The following ZNF536 variants were observed in gnomAD, a reference collection of about 807,000 sequenced individuals.
ZNF536 encodes zinc finger protein 536.
In ZNF536, 13 loss-of-function variants were observed where a neutral mutation model predicts 84.5. That is an observed-to-expected ratio of 0.15 (90% CI 0.10 to 0.24). The LOEUF is 0.24. ZNF536 is among the 10% of genes least tolerant of loss of function. The pLI is 1.00. For synonymous variants in ZNF536, 811 were observed against 742.5 expected (o/e 1.09, Z -1.50); for missense variants, 1,536 against 1,747.5 (o/e 0.88, Z 2.16).
intron 2 of ZNF536, among the ~76,000 whole-genome samples, chr19:30,515,270 A>C (rs1005488252): frequency 6.6e-6 from 1 of 152,120 alleles, no homozygotes; most frequent in Non-Finnish European, 1.5e-5. Flanking sequence ...TCAAAAAATA[A>C]CCCAAAATAT....
chr19:30,681,066 C>T (rs996066402), intron 1 of ZNF536, among the ~76,000 whole-genome samples: 14 of 152,300 alleles, frequency 9.2e-5, no homozygotes, highest in East Asian at 1.9e-4. Flanking sequence ...CCCTGCACCC[C>T]GCCCCTTTCT....
At chr19:30,681,898 C>A (rs571098380) in intron 1 of ZNF536, among the ~76,000 whole-genome samples, 1 of 152,118 alleles carries the variant, frequency 6.6e-6, no homozygotes, top group Non-Finnish European at 1.5e-5. Context: ...ACGTGGGCTC[C>A]AACAGACGTT....
chr19:30,357,785 G>A (rs1441887906), intron 3 of ZNF536, among the ~76,000 whole-genome samples: 1 of 152,116 alleles, frequency 6.6e-6, no homozygotes, highest in East Asian at 1.9e-4. Flanking sequence ...ACAGGCAGAG[G>A]GCTTCTGGAA....
At chr19:30,658,182 T>C (rs2049989013) in intron 1 of ZNF536, among the ~76,000 whole-genome samples, 2 of 152,118 alleles carry the variant, frequency 1.3e-5, no homozygotes, top group Non-Finnish European at 2.9e-5. Context: ...TCACCATGCC[T>C]GGCTAATTTT....
In ZNF536 at chr19:30,435,471, G is replaced by A. The variant is rs560304199; in HGVS notation, c.-2-8090G>A. ...AGATGATGGTGATGGTAGTGATACTGCTGCTGCTGCTGATGATGACGATGG... is the reference window on the plus strand; with the variant it reads ...AGATGATGGTGATGGTAGTGATACTACTGCTGCTGCTGATGATGACGATGG... On this transcript the variant is annotated intron_variant, in intron 1 of 4. Coordinates refer to ENST00000355537, the MANE Select transcript of ZNF536 (RefSeq NM_014717.3). Among the ~76,000 whole-genome samples, 54 of 151,868 alleles carry A rather than the reference G, an allele frequency of 3.6e-4. No homozygotes were observed. In the South Asian group the frequency reaches 9.4e-3, roughly 26 times the overall value.
chr19:30,391,885 G>C (rs1862949490), intron 1 of ZNF536, among the ~76,000 whole-genome samples: 1 of 152,098 alleles, frequency 6.6e-6, no homozygotes, highest in African/African-American at 2.4e-5. Flanking sequence ...CTTAAACCTT[G>C]TAATTGTGCC....
intron 1 of ZNF536, among the ~76,000 whole-genome samples, chr19:30,394,860 C>T (rs143145302): frequency 5.3e-5 from 8 of 152,250 alleles, no homozygotes; most frequent in South Asian, 4.2e-4. Context: ...TAGGCTTTAC[C>T]TGAAAAGCAG....
intron 1 of ZNF536, among the ~76,000 whole-genome samples, chr19:30,263,658 C>T (rs1298638076): frequency 6.6e-6 from 1 of 152,176 alleles, no homozygotes; most frequent in Non-Finnish European, 1.5e-5. Flanking sequence ...TTTGTTTACA[C>T]TAATCAGATT....
At chr19:30,341,524 C>T (rs1207297849) in intron 2 of ZNF536, among the ~76,000 whole-genome samples, 8 of 152,186 alleles carry the variant, frequency 5.3e-5, no homozygotes, top group Admixed American at 3.9e-4. Flanking sequence ...GATAGCTGCA[C>T]CCCATTGGTC....
chr19:30,657,412 G>A (rs1243636027), intron 1 of ZNF536, among the ~76,000 whole-genome samples: 2 of 152,226 alleles, frequency 1.3e-5, no homozygotes, highest in African/African-American at 4.8e-5. Flanking sequence ...CCAAGAGGCG[G>A]CCGCCAGCAG....
At chr19:30,393,573 G>A (rs2049688607) in intron 1 of ZNF536, among the ~76,000 whole-genome samples, 1 of 152,188 alleles carries the variant, frequency 6.6e-6, no homozygotes, top group Admixed American at 6.5e-5. Context: ...AGCTCACGGA[G>A]CCTCTGGTCC....
intron 2 of ZNF536, among the ~76,000 whole-genome samples, chr19:30,338,809 A>G (rs889264081): frequency 3.3e-5 from 5 of 152,136 alleles, no homozygotes; most frequent in Non-Finnish European, 7.4e-5. Context: ...TGGTTATTAT[A>G]TGATTGTTGT....
intron 1 of ZNF536, among the ~76,000 whole-genome samples, chr19:30,624,178 G>A (rs1279525540): frequency 6.6e-6 from 1 of 152,148 alleles, no homozygotes; most frequent in Non-Finnish European, 1.5e-5. Context: ...TCAGCCGTAT[G>A]CCCATGTGAC....
intron 1 of ZNF536, among the ~76,000 whole-genome samples, chr19:30,244,682 C>T (rs1384915448): frequency 6.6e-6 from 1 of 152,202 alleles, no homozygotes; most frequent in Non-Finnish European, 1.5e-5. Context: ...CTCCTTGCCC[C>T]TGAAGCTTTT....
At chr19:30,434,909 GAT>G (rs1491278421) in intron 1 of ZNF536, among the ~76,000 whole-genome samples, 2 of 10,714 alleles carry the variant, frequency 1.9e-4, no homozygotes, top group Admixed American at 8.9e-4. Context: ...TGATGGTGAT[GAT>G]GCTGATGCTG....
chr19:30,259,421 C>T (rs1281383207), intron 1 of ZNF536, among the ~76,000 whole-genome samples: 1 of 152,198 alleles, frequency 6.6e-6, no homozygotes, highest in African/African-American at 2.4e-5. Flanking sequence ...ACAGCATGGG[C>T]GTCACCAGGG....
At chr19:30,628,631 A>G (rs1037961045) in intron 1 of ZNF536, among the ~76,000 whole-genome samples, 1 of 151,938 alleles carries the variant, frequency 6.6e-6, no homozygotes, top group East Asian at 1.9e-4. Flanking sequence ...GGGTTTCACC[A>G]TGTTAGCCAG....
At chr19:30,630,147 T>G (rs2048837575) in intron 1 of ZNF536, among the ~76,000 whole-genome samples, 2 of 152,226 alleles carry the variant, frequency 1.3e-5, no homozygotes, top group Admixed American at 1.3e-4. Flanking sequence ...GGGCTACAGC[T>G]GGTAACTTGC....
At chr19:30,577,189 A>G (rs553459088) in intron 1 of ZNF536, among the ~76,000 whole-genome samples, 1 of 152,360 alleles carries the variant, frequency 6.6e-6, no homozygotes, top group African/African-American at 2.4e-5. Context: ...ACATAGAAGA[A>G]AGCTTTAAAA....
Sources: gnomAD v4.1 joint callset for allele counts (sites outside exome capture counted in the v4.1 genomes callset) on GRCh38, gnomAD v4.1.1 for gene constraint, MANE v1.5 for transcripts, NCBI Gene and HGNC (gene_info 2026-07-23, HGNC 2026-07-21) for gene names.